Variants in TUT4 observed in about 807,000 individuals in gnomAD.
The protein encoded by TUT4 is terminal uridylyltransferase 4.
Under a neutral mutation model 192.2 loss-of-function variants are expected in TUT4, and 36 were observed. That is an observed-to-expected ratio of 0.19 (90% CI 0.14 to 0.25). The LOEUF is 0.25. Ranked by LOEUF, TUT4 falls within the 10% of genes least tolerant of loss-of-function variation. The pLI, the probability that TUT4 is intolerant of heterozygous loss-of-function variation, is 1.00. For missense variants in TUT4, 1,493 were observed against 1,957.2 expected (o/e 0.76, Z 4.47); for synonymous variants, 618 against 666.0 (o/e 0.93, Z 1.11).
intron 13 of TUT4, among the ~76,000 whole-genome samples, chr1:52,472,898 T>C (rs1041030090): frequency 6.6e-6 from 1 of 152,156 alleles, no homozygotes; most frequent in Non-Finnish European, 1.5e-5. Flanking sequence ...GACATTTATA[T>C]AGCCATAAAT....
intron 20 of TUT4, among the ~76,000 whole-genome samples, chr1:52,453,759 C>T (rs766028719): frequency 6.6e-6 from 1 of 151,920 alleles, no homozygotes; most frequent in Non-Finnish European, 1.5e-5. Flanking sequence ...TGCAATGAAA[C>T]AAGAAAAGGA....
chr1:52,516,025 C>A lies in TUT4; in HGVS notation c.748G>T (p.Glu250Ter). The A allele has an allele frequency of 6.2e-7, 1 of 1,613,122 alleles. No individual in the cohort carries two copies. The highest frequency in any genetic ancestry group is 8.5e-7 in the Non-Finnish European group (1 of 1,179,540). Residue 250 changes from glutamate (E) to a stop codon, truncating the protein, a stop_gained, in exon 3 of 30, where the codon GAA becomes TAA. Transcript: ENST00000257177. LOFTEE classifies it high-confidence loss of function. ...AAGTAGTCCATCTCTGAAGAATTTTCTTTATTAGATTCATCATTCTTCATT... is the reference window on the plus strand; with the variant it reads ...AAGTAGTCCATCTCTGAAGAATTTTATTTATTAGATTCATCATTCTTCATT... Reference protein sequence around the residue: ...SKMKNDESNKENSSEMDYLEN... With the variant: ...SKMKNDESNK
chr1:52,530,208 G>A (rs1279700018), intron 1 of TUT4, among the ~76,000 whole-genome samples: 2 of 145,200 alleles, frequency 1.4e-5, no homozygotes, highest in African/African-American at 2.6e-5. Flanking sequence ...GCAGTGAGCC[G>A]AGACCACGCC....
intron 13 of TUT4, among the ~76,000 whole-genome samples, chr1:52,474,161 T>C (rs544549982): frequency 6.6e-6 from 1 of 152,232 alleles, no homozygotes; most frequent in Non-Finnish European, 1.5e-5. Context: ...TGAGCTGAGA[T>C]TGCACCACTG....
At chr1:52,440,131 A>AACTG (rs1218015631) in intron 24 of TUT4, among the ~76,000 whole-genome samples, 13 of 152,342 alleles carry the variant, frequency 8.5e-5, no homozygotes, top group African/African-American at 2.4e-4. Context: ...ACGGAATGAG[A>AACTG]ACTGACTGCT....
chr1:52,458,582 C>A, intron 19 of TUT4, 133 bp from the exon 20 acceptor site: 1 of 570,700 alleles, frequency 1.8e-6, no homozygotes, highest in Non-Finnish European at 3.0e-6. Context: ...ACTGCACCGT[C>A]TATAATCCCA....
At chr1:52,435,289 A>G in intron 27 of TUT4, 76 bp downstream of exon 27, 1 of 1,210,486 alleles carries the variant, frequency 8.3e-7, no homozygotes, top group Non-Finnish European at 1.2e-6. Flanking sequence ...AGCCAGTCTG[A>G]GAGAAAACAC....
intron 7 of TUT4, among the ~76,000 whole-genome samples, chr1:52,492,451 T>C (rs1468602141): frequency 6.6e-6 from 1 of 152,234 alleles, no homozygotes; most frequent in African/African-American, 2.4e-5. Flanking sequence ...GAAGTTATTG[T>C]ATATCCCACA....
In TUT4 at chr1:52,431,441, G is replaced by A; in HGVS notation, c.4283C>T (p.Ser1428Phe). 1 of 1,599,414 alleles carries A rather than the reference G, an allele frequency of 6.3e-7. No individual in the cohort carries two copies. The highest frequency in any genetic ancestry group is 8.6e-7 in the Non-Finnish European group (1 of 1,169,264). Reference protein sequence around the residue: ...SSECSESPSYSPQPQPFPQNS... With the variant: ...SSECSESPSYFPQPQPFPQNS... ...CTGTGGAAATGGCTGAGGCTGAGGA[G>A]AATAAGATGGTGATTCAGACTGCAG... Residue 1428 changes from serine to phenylalanine, a missense_variant, in exon 28 of 30, where the codon TCT becomes TTT. Coordinates refer to ENST00000257177, the MANE Select transcript of TUT4 (RefSeq NM_001009881.3).
At chr1:52,449,115 GTC>G (rs1006945127) in intron 20 of TUT4, among the ~76,000 whole-genome samples, 1 of 151,710 alleles carries the variant, frequency 6.6e-6, no homozygotes, top group African/African-American at 2.4e-5. Flanking sequence ...TCTCCCTGCT[GTC>G]TCTCTGTTCT....
rs771239237 is a variant in TUT4 at position 52,475,023 on chromosome 1, T to C, written c.2536A>G (p.Lys846Glu). The change falls in exon 13 of 30, where the codon AAA becomes GAA. Residue 846 changes from lysine (K) to glutamate (E), a missense_variant. Coordinates refer to ENST00000257177, the MANE Select transcript of TUT4 (RefSeq NM_001009881.3). ...IDLSKSPDPD[K>E]STGTDCRSNL... The stretch of plus-strand genomic sequence containing the variant: ...GACCTGCAGTCTGTTCCAGTAGATT[T>C]ATCTGGGTCAGGCGACTTAGACAAA... 1.2e-6 allele frequency: 2 copies of C among 1,614,184 alleles called. No individual in the cohort carries two copies. The highest frequency in any genetic ancestry group is 1.7e-6 in the Non-Finnish European group (2 of 1,180,020).
At chr1:52,479,301 GGGCATGATCT>G (rs1667877910) in intron 11 of TUT4, among the ~76,000 whole-genome samples, 2 of 152,142 alleles carry the variant, frequency 1.3e-5, no homozygotes, top group Non-Finnish European at 2.9e-5. Flanking sequence ...CGAGAGGGAA[GGGCATGATCT>G]GGCTTAAGTT....
At chr1:52,430,159 A>C (rs1019214747) in intron 28 of TUT4, among the ~76,000 whole-genome samples, 6 of 152,118 alleles carry the variant, frequency 3.9e-5, no homozygotes, top group African/African-American at 1.4e-4. Flanking sequence ...CAGAAAAAAA[A>C]CTATTTTTCT....
intron 20 of TUT4, among the ~76,000 whole-genome samples, chr1:52,447,442 C>T (rs868390789): frequency 3.7e-4 from 55 of 148,224 alleles, no homozygotes; most frequent in African/African-American, 1.4e-3. Flanking sequence ...GGGCGAGACT[C>T]CATCTCACCA....
At chr1:52,526,518 A>G (rs892969465) in intron 1 of TUT4, 145 bp from the exon 2 acceptor site, 2 of 285,114 alleles carry the variant, frequency 7.0e-6, no homozygotes, top group Non-Finnish European at 1.2e-5. Flanking sequence ...AAACTCAGAA[A>G]ACTATATGAG....
At chr1:52,501,758 G>A (rs1674146979) in intron 4 of TUT4, among the ~76,000 whole-genome samples, 2 of 152,236 alleles carry the variant, frequency 1.3e-5, no homozygotes, top group African/African-American at 2.4e-5. Context: ...ATACAGATAC[G>A]ATGGAATATT....
chr1:52,540,978 G>C (rs61782559), intron 1 of TUT4, among the ~76,000 whole-genome samples: 25,204 of 152,046 alleles, frequency 0.17, 2,565 homozygotes, highest in Non-Finnish European at 0.23. Flanking sequence ...GGCCGAGGCA[G>C]GCAGATCACC....
chr1:52,440,626 T>C (rs1655256124), intron 24 of TUT4, among the ~76,000 whole-genome samples: 1 of 152,124 alleles, frequency 6.6e-6, no homozygotes, highest in Non-Finnish European at 1.5e-5. Context: ...TCACTTTTAA[T>C]TAATGACCAA....
intron 8 of TUT4, among the ~76,000 whole-genome samples, chr1:52,490,317 C>A (rs1670836125): frequency 6.6e-6 from 1 of 151,758 alleles, no homozygotes; most frequent in African/African-American, 2.4e-5. Flanking sequence ...CCATGCCTGG[C>A]TGATTTTTTT....
Sources: gnomAD v4.1 joint callset for allele counts (sites outside exome capture counted in the v4.1 genomes callset) on GRCh38, gnomAD v4.1.1 for gene constraint, MANE v1.5 for transcripts, NCBI Gene and HGNC (gene_info 2026-07-23, HGNC 2026-07-21) for gene names.